FUT8: variants seen among roughly 807,000 people sequenced by gnomAD.
FUT8 encodes fucosyltransferase 8, also known as alpha-(1,6)-fucosyltransferase.
FUT8 carries 29 observed loss-of-function variants against 71.3 expected under a neutral mutation model. The observed-to-expected ratio is 0.41, with a 90% CI of 0.30 to 0.55. FUT8 has a LOEUF of 0.55. Among genes scored for constraint, FUT8 ranks in the 20% least tolerant of loss-of-function variants. The pLI, the probability that FUT8 is intolerant of heterozygous loss-of-function variation, is 0.34. For synonymous variants in FUT8, 254 were observed against 239.3 expected, an observed-to-expected ratio of 1.06 and a Z score of -0.57; for missense variants, 544 against 702.1, an observed-to-expected ratio of 0.77 and a Z score of 2.55.
intron 5 of FUT8, among the ~76,000 whole-genome samples, chr14:65,628,216 G>A (rs1257643730): frequency 1.3e-5 from 2 of 152,166 alleles, no homozygotes; most frequent in Non-Finnish European, 2.9e-5. Flanking sequence ...CAAGACCAGT[G>A]TGACTGAAAT....
chr14:65,561,477 C>A lies in FUT8; in HGVS notation c.-87C>A. ...TGTGTTGAAACAACAGAAGTCTATT[C>A]ACCTGTGCACTAACTAGAAACAGAG... On this transcript the variant is annotated 5_prime_UTR_variant, in exon 3 of 11. Transcript: ENST00000673929. The A allele has an allele frequency of 5.8e-6, 7 of 1,214,184 alleles. No individual in the cohort carries two copies. The highest frequency in any genetic ancestry group is 8.4e-6 in the Non-Finnish European group (7 of 833,650). 75.2% of individuals were successfully genotyped at this position (1,214,184 alleles called of 1,614,324 possible).
chr14:65,645,974 A>G (rs1450721813), intron 6 of FUT8: 1 of 152,262 alleles, frequency 6.6e-6, no homozygotes, highest in Non-Finnish European at 1.5e-5. Context: ...CCAGAAATGC[A>G]GATGGCCACT....
intron 6 of FUT8, among the ~76,000 whole-genome samples, chr14:65,655,020 G>C (rs1258950534): frequency 6.6e-6 from 1 of 151,724 alleles, no homozygotes; most frequent in Non-Finnish European, 1.5e-5. Flanking sequence ...CCAAAGTGCT[G>C]GGATTATAGG....
At chr14:65,422,290 G>A (rs1271959646) in intron 1 of FUT8, among the ~76,000 whole-genome samples, 1 of 151,978 alleles carries the variant, frequency 6.6e-6, no homozygotes, top group African/African-American at 2.4e-5. Context: ...TCAAGGCTTG[G>A]GGGTTTGTAG....
intron 7 of FUT8, among the ~76,000 whole-genome samples, chr14:65,682,539 TTGTAG>T (rs992643581): frequency 6.7e-5 from 10 of 149,788 alleles, no homozygotes; most frequent in Non-Finnish European, 1.5e-4. Context: ...GGATTGGAGG[TTGTAG>T]TCATTCCAGC....
chr14:65,507,590 G>A lies in FUT8; in HGVS notation c.-228+51872G>A, dbSNP rs572462531. ...CTTTGCCTGGCTTATTTCACTTAAC[G>A]CAGTGACCTCTGGTTCCATCCATGT... On this transcript the variant is annotated intron_variant, in intron 2 of 10. Transcript: ENST00000673929. Among the ~76,000 whole-genome samples the A allele has an allele frequency of 1.2e-4, 18 of 152,222 alleles. No homozygotes were observed. In the South Asian group the frequency reaches 1.2e-3, roughly 11 times the overall value.
chr14:65,712,859 A>G (rs190806178), intron 7 of FUT8, among the ~76,000 whole-genome samples: 2 of 152,364 alleles, frequency 1.3e-5, no homozygotes, highest in East Asian at 3.9e-4. Flanking sequence ...TAATCACATC[A>G]GGGTAAATGG....
chr14:65,415,614 G>A (rs913957000), intron 1 of FUT8, among the ~76,000 whole-genome samples: 1 of 150,910 alleles, frequency 6.6e-6, no homozygotes, highest in Non-Finnish European at 1.5e-5. Flanking sequence ...GCTTCAAGTA[G>A]AATCTTATAT....
intron 2 of FUT8, among the ~76,000 whole-genome samples, chr14:65,514,154 TA>T (rs1882546644): frequency 6.6e-6 from 1 of 151,072 alleles, no homozygotes; most frequent in Admixed American, 6.6e-5. Flanking sequence ...GTGCTGTTGG[TA>T]GGACCCTCAA....
chr14:65,470,070 C>T (rs898874713), intron 2 of FUT8, among the ~76,000 whole-genome samples: 2 of 152,236 alleles, frequency 1.3e-5, no homozygotes, highest in African/African-American at 4.8e-5. Flanking sequence ...GGGGCACCTG[C>T]CTGCCAGCAT....
Position 65,558,192 on chromosome 14 carries a change from C to T in FUT8, c.-227-3145C>T, listed in dbSNP as rs540103140. 3.3e-5 allele frequency among the ~76,000 whole-genome samples: 5 copies of T among 151,692 alleles called. No individual in the cohort carries two copies. The East Asian group carries it at 9.7e-4, about 29-fold the overall frequency. On this transcript the variant is annotated intron_variant, in intron 2 of 10. Coordinates refer to ENST00000673929, the MANE Select transcript of FUT8 (RefSeq NM_001371533.1). Reference sequence around the variant, plus strand: ...CTAAAAATATAAAAAATGAGCCGGGCGCCACAGCAGACACCTGTAGTCTCA... The same window carrying T: ...CTAAAAATATAAAAAATGAGCCGGGTGCCACAGCAGACACCTGTAGTCTCA...
chr14:65,402,914 G>T, the FUT8 span, among the ~76,000 whole-genome samples: 2 of 152,172 alleles, frequency 1.3e-5, no homozygotes, highest in African/African-American at 4.8e-5. Flanking sequence ...ACAATTTATA[G>T]GGAGTTGTTT....
chr14:65,544,943 GTCT>G (rs1221914998), intron 2 of FUT8, among the ~76,000 whole-genome samples: 1 of 151,318 alleles, frequency 6.6e-6, no homozygotes, highest in Non-Finnish European at 1.5e-5. Flanking sequence ...TTTCCTCCCT[GTCT>G]TACCCTCTTC....
At chr14:65,708,158 T>C (rs569028059) in intron 7 of FUT8, among the ~76,000 whole-genome samples, 1 of 152,198 alleles carries the variant, frequency 6.6e-6, no homozygotes, top group African/African-American at 2.4e-5. Flanking sequence ...AATTGAATCA[T>C]GGGGGTGGTT....
chr14:65,501,324 A>C (rs1003809658), intron 2 of FUT8, among the ~76,000 whole-genome samples: 3 of 152,242 alleles, frequency 2.0e-5, no homozygotes, highest in African/African-American at 7.2e-5. Flanking sequence ...GGGGTAACAC[A>C]GAGACAATAT....
At chr14:65,665,843 A>G (rs1027557955) in intron 6 of FUT8, among the ~76,000 whole-genome samples, 9 of 152,176 alleles carry the variant, frequency 5.9e-5, no homozygotes, top group African/African-American at 2.2e-4. Flanking sequence ...CAGAAAACCA[A>G]ATACTGCATG....
intron 2 of FUT8, chr14:65,457,791 T>G (rs886815438): frequency 1.3e-5 from 2 of 152,200 alleles, no homozygotes; most frequent in African/African-American, 2.4e-5. Context: ...TGAGTTGATT[T>G]TTAACTACTA....
chr14:65,549,529 A>G (rs72714484), intron 2 of FUT8, among the ~76,000 whole-genome samples: 19,684 of 152,186 alleles, frequency 0.13, 1,707 homozygotes, highest in Middle Eastern at 0.2. Context: ...TTCAATGTAC[A>G]TTACTTCAAA....
At chr14:65,524,782 C>T (rs1032166540) in intron 2 of FUT8, among the ~76,000 whole-genome samples, 1 of 151,986 alleles carries the variant, frequency 6.6e-6, no homozygotes, top group Non-Finnish European at 1.5e-5. Context: ...TTTTAGCATG[C>T]AGAGTTGTTG....
Sources: allele counts gnomAD v4.1 joint callset (sites outside exome capture counted in the v4.1 genomes callset), GRCh38; gene constraint gnomAD v4.1.1; transcripts MANE v1.5; gene names NCBI Gene and HGNC (gene_info 2026-07-23, HGNC 2026-07-21).